ADAM32: variants seen among roughly 807,000 people sequenced by gnomAD.
ADAM32 encodes the protein ADAM metallopeptidase domain 32, also known as disintegrin and metalloproteinase domain-containing protein 32.
Under a neutral mutation model 114.9 loss-of-function variants are expected in ADAM32, and 89 were observed. The ratio of observed to expected loss-of-function variants is 0.77; its 90% CI spans 0.65 to 0.92. ADAM32 has a LOEUF of 0.92. ADAM32 is among the 40% of genes least tolerant of loss of function. The pLI, the probability that ADAM32 is intolerant of heterozygous loss-of-function variation, is 0.00. For synonymous variants in ADAM32, 285 were observed against 307.5 expected, an observed-to-expected ratio of 0.93 and a Z score of 0.77; for missense variants, 870 against 932.8, an observed-to-expected ratio of 0.93 and a Z score of 0.88.
At chr8:39,240,525 T>C (rs1472438210) in intron 16 of ADAM32, among the ~76,000 whole-genome samples, 1 of 152,198 alleles carries the variant, frequency 6.6e-6, no homozygotes. Flanking sequence ...TTAGTCTGCT[T>C]TCATGTTGCT....
intron 11 of ADAM32, among the ~76,000 whole-genome samples, chr8:39,192,459 C>CT (rs1392866789): frequency 6.6e-6 from 1 of 152,122 alleles, no homozygotes; most frequent in African/African-American, 2.4e-5. Context: ...GGTCTTATTT[C>CT]TTTTTCTAGC....
At chr8:39,129,641 A>T (rs919547477) in intron 2 of ADAM32, among the ~76,000 whole-genome samples, 1 of 152,172 alleles carries the variant, frequency 6.6e-6, no homozygotes, top group Non-Finnish European at 1.5e-5. Context: ...TGTAATGTCT[A>T]GATTTAATTG....
rs114333410 is a variant in ADAM32, at chr8:39,268,931, C to G, written c.2163-1945C>G. Among the ~76,000 whole-genome samples, 692 of 152,320 alleles carry G rather than the reference C, an allele frequency of 4.5e-3. 6 individuals carry two copies. The highest frequency in any genetic ancestry group is 0.015 in the African/African-American group (626 of 41,578). Reference sequence around the variant, plus strand: ...ACTCTGAATTACCATATATTCAACTCAGGTGGAACTCAAACTATTCCTGTC... The same window carrying G: ...ACTCTGAATTACCATATATTCAACTGAGGTGGAACTCAAACTATTCCTGTC... On this transcript the variant is annotated intron_variant, in intron 19 of 24. Transcript: ENST00000379907.
At chr8:39,198,721 G>C (rs1807180916) in intron 11 of ADAM32, among the ~76,000 whole-genome samples, 1 of 145,076 alleles carries the variant, frequency 6.9e-6, no homozygotes, top group Admixed American at 7.3e-5. Flanking sequence ...GATAATTTGG[G>C]TTGTGATAGC....
chr8:39,205,767 C>T (rs1428675099), intron 11 of ADAM32, among the ~76,000 whole-genome samples: 1 of 152,196 alleles, frequency 6.6e-6, no homozygotes, highest in African/African-American at 2.4e-5. Context: ...TTGGAACCTC[C>T]TTAAAATTAT....
At chr8:39,233,567 T>C (rs1351783426) in intron 15 of ADAM32, among the ~76,000 whole-genome samples, 1 of 152,134 alleles carries the variant, frequency 6.6e-6, no homozygotes, top group Non-Finnish European at 1.5e-5. Context: ...CTGTATCTTA[T>C]GCCGATCTCC....
Position 39,136,743 on chromosome 8 carries a change from G to C in ADAM32, c.200+25G>C, listed in dbSNP as rs80106805. 1.0e-3 allele frequency: 1,428 copies of C among 1,401,370 alleles called. 20 individuals are homozygous for C. In the African/African-American group the frequency reaches 0.019, roughly 19 times the overall value. The allele number at this position is 1,401,370 out of a possible 1,614,324, so 86.8% of individuals were successfully genotyped here. On this transcript the variant is annotated intron_variant, in intron 3 of 24. Coordinates refer to ENST00000379907, the MANE Select transcript of ADAM32 (RefSeq NM_145004.7). ...GGTAAATTTTTATTCTTTAGTTTTG[G>C]ATTTTATTTTATTTCTATGAAGCTG...
At position 39,284,769 on chromosome 8, in the gene ADAM32, G is replaced by A. The variant is rs761163164; in HGVS notation, c.2358-24G>A. ...AATTTGCTGTCAGTACTTTGAGCAC[G>A]TGTTTTTTTGTTCTCTTCCACAGTA... On this transcript the variant is annotated intron_variant, in intron 24 of 24. Transcript: ENST00000379907. 2.5e-6 allele frequency: 4 copies of A among 1,613,436 alleles called. No individual in the cohort carries two copies. In the South Asian group the frequency reaches 3.3e-5, roughly 13 times the overall value.
intron 20 of ADAM32, among the ~76,000 whole-genome samples, chr8:39,274,008 G>A (rs552854647): frequency 7.6e-6 from 1 of 131,964 alleles, no homozygotes; most frequent in South Asian, 2.2e-4. Context: ...TTTAGAAATA[G>A]CTAATCTGTG....
chr8:39,231,671 T>G (rs1419533948), intron 14 of ADAM32, among the ~76,000 whole-genome samples: 1 of 152,198 alleles, frequency 6.6e-6, no homozygotes. Flanking sequence ...TTGATTTTGT[T>G]ATAGACTTGG....
At chr8:39,245,765 A>G (rs958813999) in intron 16 of ADAM32, among the ~76,000 whole-genome samples, 4 of 152,138 alleles carry the variant, frequency 2.6e-5, no homozygotes, top group Non-Finnish European at 5.9e-5. Context: ...ACAATATAAT[A>G]TCCTTATTTA....
chr8:39,273,042 C>T (rs1443745157), intron 20 of ADAM32, among the ~76,000 whole-genome samples: 2 of 152,100 alleles, frequency 1.3e-5, no homozygotes, highest in Non-Finnish European at 2.9e-5. Context: ...ATCTCCACAT[C>T]TTGTCCTGCT....
intron 14 of ADAM32, among the ~76,000 whole-genome samples, chr8:39,228,968 A>C (rs1477078768): frequency 6.6e-6 from 1 of 152,214 alleles, no homozygotes; most frequent in Non-Finnish European, 1.5e-5. Flanking sequence ...GACCTATCAG[A>C]TTATCAGCAG....
At chr8:39,152,493 G>T (rs1803890744) in intron 6 of ADAM32, among the ~76,000 whole-genome samples, 1 of 152,136 alleles carries the variant, frequency 6.6e-6, no homozygotes, top group African/African-American at 2.4e-5. Flanking sequence ...AGCCCAAGTT[G>T]GGTGGATCTC....
At chr8:39,155,021 C>T (rs974272222) in intron 6 of ADAM32, among the ~76,000 whole-genome samples, 4 of 152,054 alleles carry the variant, frequency 2.6e-5, no homozygotes, top group African/African-American at 9.7e-5. Flanking sequence ...TGATAAAATT[C>T]AACACTCCTT....
At chr8:39,132,279 A>G (rs140449253) in intron 2 of ADAM32, among the ~76,000 whole-genome samples, 1 of 152,366 alleles carries the variant, frequency 6.6e-6, no homozygotes, top group Non-Finnish European at 1.5e-5. Context: ...TGCATCAAAT[A>G]TAGGTATTTA....
intron 9 of ADAM32, chr8:39,165,470 A>T (rs1166831431): frequency 4.1e-6 from 1 of 243,278 alleles, no homozygotes; most frequent in African/African-American, 2.2e-5. Flanking sequence ...TGGTACTACT[A>T]GGTTTGAACC....
At chr8:39,229,032 T>C (rs11996010) in intron 14 of ADAM32, among the ~76,000 whole-genome samples, 19,773 of 152,130 alleles carry the variant, frequency 0.13, 4,312 homozygotes, top group African/African-American at 0.45. Flanking sequence ...TATCTTCAGC[T>C]TCCTCAGACA....
At position 39,257,338 on chromosome 8, in the gene ADAM32, T is replaced by G. The variant is rs1811719415; in HGVS notation, c.2157T>G (p.Ser719Arg). 5 of 1,612,914 alleles carry G rather than the reference T, an allele frequency of 3.1e-6. No individual in the cohort carries two copies. The highest frequency in any genetic ancestry group is 1.3e-5 in the African/African-American group (1 of 74,892). ...KWFAKEEEFPSSESKSEGSTQ... is the reference protein window; with the variant it reads ...KWFAKEEEFPRSESKSEGSTQ... ...TCGCCAAGGAAGAGGAATTCCCAAG[T>G]AGCGAGTAAATTGCATTTGTGTTCT... The change falls in exon 19 of 25, where the codon AGT becomes AGG. Residue 719 changes from serine to arginine, a missense_variant. Transcript: ENST00000379907.
Sources: allele counts gnomAD v4.1 joint callset (sites outside exome capture counted in the v4.1 genomes callset), GRCh38; gene constraint gnomAD v4.1.1; transcripts MANE v1.5; gene names NCBI Gene and HGNC (gene_info 2026-07-23, HGNC 2026-07-21).